Variants in CACNA2D3 observed in about 807,000 individuals in gnomAD.
CACNA2D3 encodes the protein voltage-dependent calcium channel subunit alpha-2/delta-3.
Under a neutral mutation model 160.6 loss-of-function variants are expected in CACNA2D3, and 60 were observed. The ratio of observed to expected loss-of-function variants is 0.37; its 90% CI spans 0.30 to 0.46. The LOEUF (loss-of-function observed/expected upper bound fraction) is 0.46. CACNA2D3 is among the 20% of genes least tolerant of loss of function. The probability of loss-of-function intolerance (pLI) is 1.00; values close to 1 mark genes in which losing one functional copy is unlikely to be tolerated. For missense variants in CACNA2D3, 1,205 were observed against 1,365.0 expected (o/e 0.88, Z 1.85); for synonymous variants, 558 against 492.9 (o/e 1.13, Z -1.75).
At chr3:54,250,705 G>A (rs1312066549) in intron 2 of CACNA2D3, among the ~76,000 whole-genome samples, 1 of 152,008 alleles carries the variant, frequency 6.6e-6, no homozygotes, top group Non-Finnish European at 1.5e-5. Context: ...CAAAGTGCTT[G>A]GCTTACGTAA....
intron 3 of CACNA2D3, among the ~76,000 whole-genome samples, chr3:54,362,441 A>C (rs1698758827): frequency 6.6e-6 from 1 of 152,150 alleles, no homozygotes; most frequent in Admixed American, 6.5e-5. Flanking sequence ...TGCTTATATA[A>C]CATCTTATAT....
intron 11 of CACNA2D3, among the ~76,000 whole-genome samples, chr3:54,744,822 C>T (rs1701722174): frequency 6.6e-6 from 1 of 152,206 alleles, no homozygotes; most frequent in Non-Finnish European, 1.5e-5. Flanking sequence ...CTGGCCTGTC[C>T]TTGCATCCAT....
chr3:54,615,003 G>A (rs1439877917), intron 9 of CACNA2D3, among the ~76,000 whole-genome samples: 1 of 152,180 alleles, frequency 6.6e-6, no homozygotes, highest in Non-Finnish European at 1.5e-5. Flanking sequence ...GATCACCTTC[G>A]GACCAATCTT....
chr3:54,612,431 C>G (rs917100954), intron 9 of CACNA2D3, among the ~76,000 whole-genome samples: 1 of 152,110 alleles, frequency 6.6e-6, no homozygotes, highest in Non-Finnish European at 1.5e-5. Context: ...AGAAAAAGGC[C>G]AAGTTGGCTT....
At chr3:54,880,339 A>G (rs992466204) in intron 20 of CACNA2D3, among the ~76,000 whole-genome samples, 9 of 152,266 alleles carry the variant, frequency 5.9e-5, no homozygotes, top group African/African-American at 2.2e-4. Flanking sequence ...CCTGCAACAC[A>G]GTAATGTGGT....
intron 25 of CACNA2D3, chr3:54,894,806 G>A: frequency 2.5e-6 from 1 of 394,384 alleles, no homozygotes; most frequent in Non-Finnish European, 5.1e-6. Flanking sequence ...GAAGCCTGAT[G>A]ACTTTTAGAT....
intron 2 of CACNA2D3, among the ~76,000 whole-genome samples, chr3:54,172,484 A>G (rs543734389): frequency 2.0e-5 from 3 of 152,288 alleles, no homozygotes; most frequent in Non-Finnish European, 4.4e-5. Context: ...CCCACTACAT[A>G]TAGGTGGGGA....
intron 18 of CACNA2D3, 139 bp from the exon 19 acceptor site, chr3:54,878,879 G>C: frequency 1.9e-6 from 1 of 534,978 alleles, no homozygotes; most frequent in Non-Finnish European, 3.3e-6. Flanking sequence ...ATGAGCAGTT[G>C]GGTGTTTTAT....
At chr3:54,736,046 C>CATATATATATGTATATATATAT (rs1187456049) in intron 11 of CACNA2D3, among the ~76,000 whole-genome samples, 1 of 71,468 alleles carries the variant, frequency 1.4e-5, no homozygotes, top group East Asian at 3.3e-4. Context: ...TATATATATA[C>CATATATATATGTATATATATAT]ACATACATAT....
chr3:54,795,768 T>A (rs1702854778), intron 13 of CACNA2D3, among the ~76,000 whole-genome samples: 1 of 152,194 alleles, frequency 6.6e-6, no homozygotes, highest in Non-Finnish European at 1.5e-5. Flanking sequence ...CCTGACTTTC[T>A]ATACTAAGAG....
intron 2 of CACNA2D3, among the ~76,000 whole-genome samples, chr3:54,202,531 A>G (rs536234894): frequency 6.6e-6 from 1 of 152,288 alleles, no homozygotes; most frequent in South Asian, 2.1e-4. Context: ...GTTTTTTAAA[A>G]TGTCATTTTA....
chr3:54,228,536 T>C (rs1701714117), intron 2 of CACNA2D3, among the ~76,000 whole-genome samples: 1 of 152,236 alleles, frequency 6.6e-6, no homozygotes, highest in African/African-American at 2.4e-5. Flanking sequence ...GTGGCCATGG[T>C]CTAGCAGTCA....
At chr3:54,859,598 G>C (rs1264235118) in intron 17 of CACNA2D3, among the ~76,000 whole-genome samples, 5 of 152,160 alleles carry the variant, frequency 3.3e-5, no homozygotes, top group African/African-American at 4.8e-5. Context: ...CCATTATGTA[G>C]CATGATAGGA....
chr3:54,426,957 T>G (rs557089809), intron 4 of CACNA2D3, among the ~76,000 whole-genome samples: 1 of 152,288 alleles, frequency 6.6e-6, no homozygotes, highest in South Asian at 2.1e-4. Flanking sequence ...GTGTCTTCCT[T>G]GACCCTTCCT....
chr3:54,483,231 G>C lies in CACNA2D3; in HGVS notation c.382-20261G>C, dbSNP rs138549167. 3.3e-5 allele frequency among the ~76,000 whole-genome samples: 5 copies of C among 152,260 alleles called. No homozygotes were observed. In the East Asian group the frequency reaches 9.7e-4, roughly 29 times the overall value. ...TGCATTTGCTGTAAGAGCTTGTTGCGTAAGTCTAAATGCCACACAATGATT... is the reference window on the plus strand; with the variant it reads ...TGCATTTGCTGTAAGAGCTTGTTGCCTAAGTCTAAATGCCACACAATGATT... On this transcript the variant is annotated intron_variant, in intron 4 of 37. Transcript: ENST00000474759.
At chr3:54,325,754 A>G (rs991943882) in intron 3 of CACNA2D3, among the ~76,000 whole-genome samples, 2 of 152,208 alleles carry the variant, frequency 1.3e-5, no homozygotes, top group African/African-American at 4.8e-5. Context: ...TATAAAACAC[A>G]AGTTGTAGCT....
intron 2 of CACNA2D3, among the ~76,000 whole-genome samples, chr3:54,263,578 C>A (rs1046288487): frequency 6.6e-6 from 1 of 152,156 alleles, no homozygotes; most frequent in African/African-American, 2.4e-5. Flanking sequence ...CCTATGATTT[C>A]TGGGATTTTA....
intron 11 of CACNA2D3, among the ~76,000 whole-genome samples, chr3:54,719,462 A>AT (rs1433027601): frequency 6.6e-6 from 1 of 151,742 alleles, no homozygotes; most frequent in South Asian, 2.1e-4. Flanking sequence ...ACATTGTTTG[A>AT]TTTTCAAATG....
At chr3:55,001,618 A>G (rs1284297239) in intron 31 of CACNA2D3, among the ~76,000 whole-genome samples, 1 of 152,256 alleles carries the variant, frequency 6.6e-6, no homozygotes, top group Non-Finnish European at 1.5e-5. Context: ...GACTTCAAAG[A>G]TGGCATTTTC....
Sources: gnomAD v4.1 joint callset for allele counts (sites outside exome capture counted in the v4.1 genomes callset) on GRCh38, gnomAD v4.1.1 for gene constraint, MANE v1.5 for transcripts, NCBI Gene and HGNC (gene_info 2026-07-23, HGNC 2026-07-21) for gene names.